PDGFD: variants seen among roughly 807,000 people sequenced by gnomAD.
PDGFD encodes platelet derived growth factor D.
Under a neutral mutation model 44.7 loss-of-function variants are expected in PDGFD, and 30 were observed. That is an observed-to-expected ratio of 0.67 (90% CI 0.50 to 0.91). The LOEUF (loss-of-function observed/expected upper bound fraction) is 0.91, where lower values mean the gene tolerates loss of function less well. Ranked by LOEUF, PDGFD falls within the 40% of genes least tolerant of loss-of-function variation. The probability of loss-of-function intolerance (pLI) is 0.00; values close to 1 mark genes in which losing one functional copy is unlikely to be tolerated. For synonymous variants in PDGFD, 173 were observed against 168.4 expected (o/e 1.03, Z -0.21); for missense variants, 445 against 457.8 (o/e 0.97, Z 0.25).
Position 103,909,935 on chromosome 11 carries a change from A to C in PDGFD, c.988-116T>G. 3 of 1,250,006 alleles carry C rather than the reference A, an allele frequency of 2.4e-6. No homozygotes were observed. In the South Asian group the frequency reaches 4.0e-5, roughly 17 times the overall value. 77.4% of individuals were successfully genotyped at this position (1,250,006 alleles called of 1,614,324 possible). ...CTTAGCCCTTTGAGAACCCAACAGA[A>C]GCTATGGGCTTGCTATTAGAATGCA... On this transcript the variant is annotated intron_variant, in intron 6 of 6. Transcript: ENST00000393158.
intron 1 of PDGFD, among the ~76,000 whole-genome samples, chr11:104,124,361 G>A (rs1388959879): frequency 1.3e-5 from 2 of 152,064 alleles, no homozygotes; most frequent in Non-Finnish European, 2.9e-5. Context: ...CACTAACTGT[G>A]AACGGGCTGT....
At chr11:104,089,771 A>G (rs1861184189) in intron 1 of PDGFD, among the ~76,000 whole-genome samples, 1 of 152,206 alleles carries the variant, frequency 6.6e-6, no homozygotes, top group African/African-American at 2.4e-5. Context: ...GAAAAAATTT[A>G]CCAAAAGACT....
intron 1 of PDGFD, among the ~76,000 whole-genome samples, chr11:104,033,138 G>A: frequency 6.6e-6 from 1 of 151,224 alleles, no homozygotes; most frequent in Non-Finnish European, 1.5e-5. Context: ...GTCAGAAGAG[G>A]TTTTCATTTA....
At chr11:104,025,167 A>G in intron 1 of PDGFD, among the ~76,000 whole-genome samples, 1 of 152,242 alleles carries the variant, frequency 6.6e-6, no homozygotes, top group Admixed American at 6.5e-5. Context: ...GTAATTACCA[A>G]CTGCATAAAA....
intron 1 of PDGFD, among the ~76,000 whole-genome samples, chr11:104,145,444 T>C (rs1007424873): frequency 6.6e-6 from 1 of 152,216 alleles, no homozygotes. Context: ...GTTTAACACA[T>C]GTAAATATGC....
At chr11:104,023,844 C>T (rs1158856813) in intron 1 of PDGFD, among the ~76,000 whole-genome samples, 1 of 152,050 alleles carries the variant, frequency 6.6e-6, no homozygotes, top group Non-Finnish European at 1.5e-5. Flanking sequence ...CCCTGTTATA[C>T]CTAAAAGTCT....
At chr11:104,157,123 C>T (rs1274975690) in intron 1 of PDGFD, among the ~76,000 whole-genome samples, 2 of 152,134 alleles carry the variant, frequency 1.3e-5, no homozygotes, top group Non-Finnish European at 2.9e-5. Context: ...TTATTGAGAC[C>T]TCAGATACAG....
chr11:104,092,431 A>G (rs887597426), intron 1 of PDGFD, among the ~76,000 whole-genome samples: 16 of 152,168 alleles, frequency 1.1e-4, no homozygotes, highest in African/African-American at 3.4e-4. Flanking sequence ...CTACTCCCTC[A>G]CCCTCTGCGC....
intron 1 of PDGFD, among the ~76,000 whole-genome samples, chr11:104,123,703 A>T (rs1861807490): frequency 6.6e-6 from 1 of 152,080 alleles, no homozygotes; most frequent in Admixed American, 6.6e-5. Context: ...ATTTTAATGC[A>T]GACTTTGAAA....
At chr11:103,990,865 C>T (rs1218353892) in intron 3 of PDGFD, among the ~76,000 whole-genome samples, 1 of 152,032 alleles carries the variant, frequency 6.6e-6, no homozygotes, top group African/African-American at 2.4e-5. Flanking sequence ...TAGGGCCAGG[C>T]GCGGTGGTTC....
At position 104,146,250 on chromosome 11, in the gene PDGFD, T is replaced by A. The variant is rs188669219; in HGVS notation, c.124+17554A>T. Reference sequence around the variant, plus strand: ...ATGTAATTACATTAACATGTAGGACTGGAAGACATACGTTTGGGAACAAAT... The same window carrying A: ...ATGTAATTACATTAACATGTAGGACAGGAAGACATACGTTTGGGAACAAAT... On this transcript the variant is annotated intron_variant, in intron 1 of 6. Coordinates refer to ENST00000393158, the MANE Select transcript of PDGFD (RefSeq NM_025208.5). Among the ~76,000 whole-genome samples, 211 of 152,348 alleles carry A rather than the reference T, an allele frequency of 1.4e-3. 1 individual carries two copies. Among genetic ancestry groups the A allele is most frequent in the African/African-American group, 4.4e-3 (183 of 41,584 alleles).
At chr11:104,097,097 G>A (rs1265130738) in intron 1 of PDGFD, among the ~76,000 whole-genome samples, 1 of 152,134 alleles carries the variant, frequency 6.6e-6, no homozygotes, top group African/African-American at 2.4e-5. Flanking sequence ...GTTTGCCCCA[G>A]ACCTCTGCAT....
intron 1 of PDGFD, among the ~76,000 whole-genome samples, chr11:104,135,663 T>C (rs1591181595): frequency 6.6e-6 from 1 of 151,972 alleles, no homozygotes; most frequent in African/African-American, 2.4e-5. Flanking sequence ...GTGTGGAGGA[T>C]GGTGGATTAG....
intron 1 of PDGFD, among the ~76,000 whole-genome samples, chr11:104,004,674 G>A (rs1859671778): frequency 1.3e-5 from 2 of 151,912 alleles, no homozygotes; most frequent in South Asian, 4.2e-4. Context: ...AAAAAATTCT[G>A]CCAAAAAATA....
At chr11:103,960,916 T>G (rs1253416036) in intron 3 of PDGFD, among the ~76,000 whole-genome samples, 1 of 152,168 alleles carries the variant, frequency 6.6e-6, no homozygotes, top group African/African-American at 2.4e-5. Context: ...CACATCAAGA[T>G]GGCTCCACCT....
At chr11:103,937,903 A>C (rs1395939543) in intron 5 of PDGFD, among the ~76,000 whole-genome samples, 1 of 151,600 alleles carries the variant, frequency 6.6e-6, no homozygotes, top group East Asian at 1.9e-4. Flanking sequence ...TTATGGCTGC[A>C]TAGTATTCCA....
intron 6 of PDGFD, among the ~76,000 whole-genome samples, chr11:103,922,787 C>G (rs1448081409): frequency 6.6e-6 from 1 of 151,652 alleles, no homozygotes; most frequent in African/African-American, 2.4e-5. Context: ...GCTATGTTGA[C>G]CCGGTTGATC....
At chr11:104,106,135 G>A (rs551402393) in intron 1 of PDGFD, among the ~76,000 whole-genome samples, 1 of 152,184 alleles carries the variant, frequency 6.6e-6, no homozygotes, top group East Asian at 1.9e-4. Context: ...TAAATCATTG[G>A]TAGATGACTT....
At chr11:104,055,011 G>C (rs1268881410) in intron 1 of PDGFD, among the ~76,000 whole-genome samples, 2 of 152,194 alleles carry the variant, frequency 1.3e-5, no homozygotes, top group Non-Finnish European at 2.9e-5. Flanking sequence ...CTGGCATACA[G>C]AAGTTTATTT....
Sources: allele counts gnomAD v4.1 joint callset (sites outside exome capture counted in the v4.1 genomes callset), GRCh38; gene constraint gnomAD v4.1.1; transcripts MANE v1.5; gene names NCBI Gene and HGNC (gene_info 2026-07-23, HGNC 2026-07-21).